Variants in TDRD3 observed in about 807,000 individuals in gnomAD.
The protein encoded by TDRD3 is tudor domain-containing protein 3.
A neutral mutation model predicts 86.7 loss-of-function variants in TDRD3; 45 were observed. The observed-to-expected ratio is 0.52, with a 90% confidence interval of 0.41 to 0.67. The LOEUF (loss-of-function observed/expected upper bound fraction) is 0.67. Among genes scored for constraint, TDRD3 ranks in the 30% least tolerant of loss-of-function variants. The probability of loss-of-function intolerance (pLI) is 0.00; values close to 1 mark genes in which losing one functional copy is unlikely to be tolerated. For missense variants in TDRD3, 814 were observed against 889.0 expected (o/e 0.92, Z 1.07); for synonymous variants, 298 against 301.7 (o/e 0.99, Z 0.13).
chr13:60,473,208 T>A (rs1956107612), intron 5 of TDRD3, among the ~76,000 whole-genome samples: 1 of 152,166 alleles, frequency 6.6e-6, no homozygotes, highest in Non-Finnish European at 1.5e-5. Context: ...GACATAAACT[T>A]CATCTTTCAT....
chr13:60,483,065 A>C lies in TDRD3; in HGVS notation c.496-710A>C, dbSNP rs557599453. On this transcript the variant is annotated intron_variant, in intron 5 of 13. Coordinates refer to ENST00000377881, the MANE Select transcript of TDRD3 (RefSeq NM_001146070.2). ...TATGGGATTTTAGAAAGACTTTATC[A>C]TGTGAGAAATTGCTTTTGCCAGAAG... Among the ~76,000 whole-genome samples, 11 of 152,236 alleles carry C rather than the reference A, an allele frequency of 7.2e-5. 1 individual carries two copies. In the South Asian group the frequency reaches 2.3e-3, roughly 32 times the overall value.
At chr13:60,395,990 A>G (rs970645871), upstream of TDRD3, among the ~76,000 whole-genome samples, 7 of 152,206 alleles carry the variant, frequency 4.6e-5, no homozygotes, top group Non-Finnish European at 7.3e-5. Context: ...ACTTTTGGGA[A>G]GACCAAACGG....
intron 6 of TDRD3, among the ~76,000 whole-genome samples, chr13:60,484,106 G>A (rs1331305873): frequency 6.7e-6 from 1 of 148,700 alleles, no homozygotes. Context: ...AATTAAAATA[G>A]GATGGGAGAG....
chr13:60,556,209 CT>C (rs1182922184), intron 12 of TDRD3, among the ~76,000 whole-genome samples: 2 of 152,154 alleles, frequency 1.3e-5, no homozygotes, highest in African/African-American at 4.8e-5. Context: ...CTAAGACTAT[CT>C]TTATTGTCTT....
Position 60,432,531 on chromosome 13 carries a change from G to A in TDRD3, c.42-7157G>A, listed in dbSNP as rs967588597. 9.9e-5 allele frequency among the ~76,000 whole-genome samples: 15 copies of A among 152,118 alleles called. 2 individuals are homozygous for A. The highest frequency in any genetic ancestry group is 9.8e-4 in the Admixed American group (15 of 15,268). On this transcript the variant is annotated intron_variant, in intron 1 of 13. Transcript: ENST00000377881. ...TCTCTGACTAGGTATAGTATAGTAA[G>A]AGTCTATAAGAATAATATATAAAAC...
chr13:60,525,987 A>T (rs1039722381), intron 10 of TDRD3, among the ~76,000 whole-genome samples: 4 of 152,186 alleles, frequency 2.6e-5, no homozygotes, highest in Non-Finnish European at 5.9e-5. Context: ...TTTTCCTTTT[A>T]GAAGAATTGA....
chr13:60,522,755 A>G (rs1003770147), intron 10 of TDRD3, among the ~76,000 whole-genome samples: 4 of 152,246 alleles, frequency 2.6e-5, no homozygotes, highest in African/African-American at 9.6e-5. Context: ...TGGCAGTCCT[A>G]GCGTCCAAAT....
chr13:60,514,870 G>A (rs367856637), intron 10 of TDRD3, among the ~76,000 whole-genome samples: 1 of 152,218 alleles, frequency 6.6e-6, no homozygotes, highest in African/African-American at 2.4e-5. Flanking sequence ...AATAGGGTAA[G>A]ATGGGATTGA....
intron 11 of TDRD3, among the ~76,000 whole-genome samples, chr13:60,530,106 T>C (rs1186475355): frequency 6.6e-6 from 1 of 152,218 alleles, no homozygotes; most frequent in African/African-American, 2.4e-5. Flanking sequence ...AGTGCCTTAA[T>C]TACTTTTTAA....
intron 4 of TDRD3, 99 bp downstream of exon 4, chr13:60,460,639 A>G: frequency 9.5e-7 from 1 of 1,055,694 alleles, no homozygotes; most frequent in Non-Finnish European, 1.3e-6. Flanking sequence ...TGGACCCTTA[A>G]TTGTGTGTTA....
intron 1 of TDRD3, among the ~76,000 whole-genome samples, chr13:60,425,556 C>T (rs1954780160): frequency 6.6e-6 from 1 of 152,140 alleles, no homozygotes; most frequent in East Asian, 1.9e-4. Flanking sequence ...GATATTTGCA[C>T]TTCCAAGTTT....
intron 1 of TDRD3, among the ~76,000 whole-genome samples, chr13:60,430,171 T>A (rs1348882469): frequency 1.3e-5 from 2 of 152,164 alleles, no homozygotes; most frequent in Non-Finnish European, 2.9e-5. Flanking sequence ...AGTGATAGTC[T>A]CTCCAGCTAC....
intron 11 of TDRD3, among the ~76,000 whole-genome samples, chr13:60,529,450 C>A (rs528317916): frequency 6.6e-6 from 1 of 152,242 alleles, no homozygotes; most frequent in African/African-American, 2.4e-5. Context: ...TTGGTTTTAG[C>A]TTACATGCCA....
At chr13:60,410,424 A>G (rs896481000) in intron 1 of TDRD3, among the ~76,000 whole-genome samples, 2 of 152,162 alleles carry the variant, frequency 1.3e-5, no homozygotes, top group African/African-American at 2.4e-5. Flanking sequence ...TATGAGCACC[A>G]AAAAGGACGT....
chr13:60,527,076 A>G (rs898321208), intron 10 of TDRD3, among the ~76,000 whole-genome samples: 1 of 152,044 alleles, frequency 6.6e-6, no homozygotes, highest in Non-Finnish European at 1.5e-5. Context: ...CTCAAGCAAT[A>G]CACCTGCTTC....
At chr13:60,512,237 G>GAGACTT (rs1476730602) in intron 10 of TDRD3, among the ~76,000 whole-genome samples, 1 of 152,072 alleles carries the variant, frequency 6.6e-6, no homozygotes, top group Non-Finnish European at 1.5e-5. Flanking sequence ...CAGATCTTGT[G>GAGACTT]AGACTTATTC....
chr13:60,511,166 G>C (rs1319637836), intron 10 of TDRD3, among the ~76,000 whole-genome samples: 5 of 152,034 alleles, frequency 3.3e-5, no homozygotes, highest in African/African-American at 1.2e-4. Context: ...TCACAATGTG[G>C]TATATTTTTT....
At chr13:60,534,586 TG>T (rs1173867373) in intron 11 of TDRD3, among the ~76,000 whole-genome samples, 1 of 152,064 alleles carries the variant, frequency 6.6e-6, no homozygotes, top group East Asian at 1.9e-4. Flanking sequence ...CAGATATTTC[TG>T]TTTTTAAAAT....
intron 4 of TDRD3, among the ~76,000 whole-genome samples, chr13:60,465,201 G>A (rs1477821014): frequency 2.0e-5 from 3 of 152,130 alleles, no homozygotes; most frequent in Non-Finnish European, 4.4e-5. Flanking sequence ...TGACTACATA[G>A]GTCTTAGGTA....
Sources: allele counts gnomAD v4.1 joint callset (sites outside exome capture counted in the v4.1 genomes callset), GRCh38; gene constraint gnomAD v4.1.1; transcripts MANE v1.5; gene names NCBI Gene and HGNC (gene_info 2026-07-23, HGNC 2026-07-21).